The following ZBTB46 variants were observed in gnomAD, a reference collection of about 807,000 sequenced individuals.
The protein encoded by ZBTB46 is zinc finger and BTB domain-containing protein 46.
A neutral mutation model predicts 44.1 loss-of-function variants in ZBTB46; 8 were observed. The observed-to-expected ratio is 0.18, with a 90% CI of 0.11 to 0.33. The LOEUF is 0.33. ZBTB46 is among the 10% of genes least tolerant of loss of function. The pLI is 1.00. For synonymous variants in ZBTB46, 409 were observed against 382.3 expected (o/e 1.07, Z -0.81); for missense variants, 651 against 847.7 (o/e 0.77, Z 2.88).
At chr20:63,747,498 T>TGAGCAGGGCCTGG in intron 4 of ZBTB46, among the ~76,000 whole-genome samples, 197 bp from the exon 5 acceptor site, 1 of 12,082 alleles carries the variant, frequency 8.3e-5, no homozygotes, top group African/African-American at 2.4e-4. Flanking sequence ...CCGGTGGAGG[T>TGAGCAGGGCCTGG]TGGGAGGGGG....
chr20:63,811,907 G>A (rs962013920), intron 1 of ZBTB46, among the ~76,000 whole-genome samples: 2 of 152,072 alleles, frequency 1.3e-5, no homozygotes, highest in Admixed American at 6.6e-5. Context: ...CTCATACATC[G>A]TTCAGACCAA....
chr20:63,829,828 G>T (rs1355816798), intron 1 of ZBTB46, among the ~76,000 whole-genome samples: 1 of 152,230 alleles, frequency 6.6e-6, no homozygotes, highest in Non-Finnish European at 1.5e-5. Flanking sequence ...CAGCAGAGAT[G>T]TATCCAGTCT....
rs1049718998 is a variant in ZBTB46 at position 63,787,371 on chromosome 20, G to C, written c.937+2450C>G. On this transcript the variant is annotated intron_variant, in intron 2 of 4. Transcript: ENST00000245663. The surrounding 1 kb of genome is among the most constrained non-coding windows in gnomAD (Gnocchi z 4.6). ...ACGCCAAGTGTTTATAAAGTCTGCA[G>C]CAGTGCACAGTTCTGTCCTCAGCCT... Among the ~76,000 whole-genome samples, 10 of 152,220 alleles carry C rather than the reference G, an allele frequency of 6.6e-5. No homozygotes were observed. Among genetic ancestry groups the C allele is most frequent in the Non-Finnish European group, 1.3e-4 (9 of 68,038 alleles).
chr20:63,804,333 G>C (rs1171060676), intron 1 of ZBTB46, among the ~76,000 whole-genome samples: 1 of 152,170 alleles, frequency 6.6e-6, no homozygotes, highest in Non-Finnish European at 1.5e-5. Flanking sequence ...TGAGCTCCTA[G>C]TCTGTCATTT....
chr20:63,821,606 A>AT (rs1026026035), intron 1 of ZBTB46, among the ~76,000 whole-genome samples: 3 of 152,024 alleles, frequency 2.0e-5, no homozygotes, highest in African/African-American at 4.8e-5. Flanking sequence ...CGCACAGCTA[A>AT]TTTTTTTGTG....
At chr20:63,802,458 A>C (rs1033856296) in intron 1 of ZBTB46, among the ~76,000 whole-genome samples, 1 of 144,064 alleles carries the variant, frequency 6.9e-6, no homozygotes, top group Non-Finnish European at 1.5e-5. Flanking sequence ...CCCCTAATCC[A>C]GTATGATAAG....
At chr20:63,780,649 A>C (rs1242342760) in intron 2 of ZBTB46, among the ~76,000 whole-genome samples, 1 of 151,814 alleles carries the variant, frequency 6.6e-6, no homozygotes, top group Admixed American at 6.6e-5. Context: ...AAAAATACAA[A>C]AAATGAGCCG....
intron 1 of ZBTB46, among the ~76,000 whole-genome samples, chr20:63,830,285 G>A (rs1018953652): frequency 6.6e-6 from 1 of 152,134 alleles, no homozygotes; most frequent in African/African-American, 2.4e-5. Context: ...TTGCCTTAGG[G>A]ATTGAGTTGT....
At chr20:63,747,751 G>A (rs560954783) in intron 4 of ZBTB46, among the ~76,000 whole-genome samples, 14 of 152,224 alleles carry the variant, frequency 9.2e-5, no homozygotes, top group South Asian at 2.1e-4. Flanking sequence ...GCACGAGGGC[G>A]GCAGTGCCCC....
intron 2 of ZBTB46, among the ~76,000 whole-genome samples, chr20:63,785,212 C>T (rs1474409793): frequency 1.0e-5 from 1 of 99,072 alleles, no homozygotes; most frequent in African/African-American, 4.2e-5. Context: ...AGCCCGGCAA[C>T]AGAGCGAGAC....
chr20:63,795,166 G>A (rs1045147802), intron 1 of ZBTB46, among the ~76,000 whole-genome samples: 4 of 152,212 alleles, frequency 2.6e-5, no homozygotes, highest in Admixed American at 1.3e-4. Context: ...CTTGGTATCT[G>A]CTTTACTTAT....
Position 63,767,749 on chromosome 20 carries a change from G to A in ZBTB46, c.1222+7929C>T, listed in dbSNP as rs147693362. The A allele has an allele frequency of 5.7e-5, 22 of 388,968 alleles. No homozygotes were observed. The highest frequency in any genetic ancestry group is 4.6e-4 in the African/African-American group (21 of 45,948). The allele number at this position is 388,968 out of a possible 1,614,324, so 24.1% of individuals were successfully genotyped here. ...CCTTAGCTGGCCTCAGGGTAAAGCT[G>A]TCAGCGCCCAAGGAGCTCCAGGCGA... On this transcript the variant is annotated intron_variant, in intron 3 of 4. Transcript: ENST00000245663. This position sits in a 1 kb window ranked among gnomAD's most constrained non-coding sequence, Gnocchi z 5.0.
At chr20:63,760,471 G>GTT (rs572643063) in intron 3 of ZBTB46, among the ~76,000 whole-genome samples, 8 of 144,480 alleles carry the variant, frequency 5.5e-5, no homozygotes, top group East Asian at 2.0e-4. Context: ...CAGTGTTTTT[G>GTT]TTTTTTTTTT....
At chr20:63,807,761 A>G (rs1332807136) in intron 1 of ZBTB46, among the ~76,000 whole-genome samples, 1 of 152,242 alleles carries the variant, frequency 6.6e-6, no homozygotes, top group African/African-American at 2.4e-5. Context: ...CAAGCGAAGC[A>G]CCCGTCTGTG....
chr20:63,811,094 G>A (rs1221042032), intron 1 of ZBTB46, among the ~76,000 whole-genome samples: 2 of 152,124 alleles, frequency 1.3e-5, no homozygotes, highest in East Asian at 3.9e-4. Flanking sequence ...CTGGGTCCCA[G>A]AACCCCACAG....
intron 3 of ZBTB46, among the ~76,000 whole-genome samples, chr20:63,770,354 G>C (rs1182781031): frequency 4.1e-5 from 6 of 146,932 alleles, no homozygotes; most frequent in Non-Finnish European, 4.6e-5. Context: ...TCTAGTAACA[G>C]AGAGGAGGCC....
At position 63,789,891 on chromosome 20, in the gene ZBTB46, G is replaced by A. The variant is rs541756202; in HGVS notation, c.867C>T (p.Asp289=). The part of the protein sequence containing the change: ...VRHITQQVED[D]SRASSPVPSF... ...ACGGCACCGGGGAGCTGGCCCGGCT[G>A]TCATCTTCCACCTGCTGTGTGATGT... is the stretch of plus-strand genomic sequence containing the variant. The change falls in exon 2 of 5, where the codon GAC becomes GAT. Residue 289 remains aspartate, a synonymous_variant. Transcript: ENST00000245663. The A allele has an allele frequency of 1.9e-6, 3 of 1,613,938 alleles. No individual in the cohort carries two copies. Among genetic ancestry groups the A allele is most frequent in the South Asian group, 2.2e-5 (2 of 91,090 alleles).
rs773427457 is a variant in ZBTB46 at position 63,752,107 on chromosome 20, C to T, written c.1398+579G>A. On this transcript the variant is annotated intron_variant, in intron 4 of 4. Coordinates refer to ENST00000245663, the MANE Select transcript of ZBTB46 (RefSeq NM_001369741.1). This position sits in a 1 kb window ranked among gnomAD's most constrained non-coding sequence, Gnocchi z 5.6. ...CCCGAACCCTTGGGGCCGCCCCGCT[C>T]TGGGCTGCCTGTGCCCCACCCGCCT... Among the ~76,000 whole-genome samples, 27 of 152,162 alleles carry T rather than the reference C, an allele frequency of 1.8e-4. No homozygotes were observed. The highest frequency in any genetic ancestry group is 3.4e-4 in the Non-Finnish European group (23 of 68,024).
chr20:63,779,306 T>C (rs2092450004), intron 2 of ZBTB46, among the ~76,000 whole-genome samples: 1 of 152,022 alleles, frequency 6.6e-6, no homozygotes, highest in African/African-American at 2.4e-5. Context: ...AATGGCATGA[T>C]CTCAGCTCAC....
Sources: allele counts gnomAD v4.1 joint callset (sites outside exome capture counted in the v4.1 genomes callset), GRCh38; gene constraint gnomAD v4.1.1; non-coding constraint Gnocchi (gnomAD v3.1); transcripts MANE v1.5; gene names NCBI Gene and HGNC (gene_info 2026-07-23, HGNC 2026-07-21).